The following PHKA1 variants were observed in gnomAD, a reference collection of about 807,000 sequenced individuals.
PHKA1 encodes the protein phosphorylase b kinase regulatory subunit alpha, skeletal muscle isoform.
In PHKA1, 60 loss-of-function variants were observed where a neutral mutation model predicts 110.2. That is an observed-to-expected ratio of 0.54 (90% CI 0.44 to 0.68). PHKA1 has a LOEUF of 0.68. Ranked by LOEUF, PHKA1 falls within the 30% of genes least tolerant of loss-of-function variation. The pLI, the probability that PHKA1 is intolerant of heterozygous loss-of-function variation, is 0.00. For synonymous variants in PHKA1, 316 were observed against 333.6 expected (o/e 0.95, Z 0.58); for missense variants, 801 against 942.5 (o/e 0.85, Z 1.97).
At chrX:72,688,226 ACTC>A (rs1468806248) in intron 4 of PHKA1, among the ~76,000 whole-genome samples, 1 of 111,523 alleles carries the variant, frequency 9.0e-6, no homozygotes, top group African/African-American at 3.3e-5. Flanking sequence ...CAGATTGCAA[ACTC>A]CTCCTGATCC....
At chrX:72,602,670 C>T (rs782782401) in intron 26 of PHKA1, among the ~76,000 whole-genome samples, 15 of 111,793 alleles carry the variant, frequency 1.3e-4, no homozygotes, top group African/African-American at 4.9e-4. Context: ...GTACGCAATG[C>T]CAAATCCAAC....
chrX:72,630,233 C>T (rs782488826), intron 16 of PHKA1, among the ~76,000 whole-genome samples: 64 of 93,086 alleles, frequency 6.9e-4, no homozygotes, highest in South Asian at 4.1e-3. Flanking sequence ...GGCTGGGTGA[C>T]AGAGAGAGAC....
chrX:72,634,039 G>A (rs1180912336), intron 16 of PHKA1, among the ~76,000 whole-genome samples: 1 of 111,571 alleles, frequency 9.0e-6, no homozygotes, highest in Admixed American at 9.5e-5. Context: ...CAAAAAGCCT[G>A]GTTAAGTCCT....
chrX:72,638,043 T>C (rs1556292835), intron 14 of PHKA1, among the ~76,000 whole-genome samples: 2 of 112,028 alleles, frequency 1.8e-5, no homozygotes, highest in African/African-American at 6.5e-5. Context: ...ATTGTTCATT[T>C]TTAGTGTATA....
At chrX:72,667,782 T>A (rs889198754) in intron 6 of PHKA1, among the ~76,000 whole-genome samples, 4 of 111,663 alleles carry the variant, frequency 3.6e-5, no homozygotes, top group African/African-American at 9.8e-5. Flanking sequence ...TTATGTTTTT[T>A]AAAATAGAAT....
At chrX:72,654,066 A>G (rs951292445) in intron 10 of PHKA1, among the ~76,000 whole-genome samples, 1 of 92,163 alleles carries the variant, frequency 1.1e-5, no homozygotes, top group South Asian at 4.7e-4. Flanking sequence ...ATTTATGATG[A>G]AAAAAAAAAA....
At chrX:72,636,625 G>A (rs1159481971) in intron 14 of PHKA1, among the ~76,000 whole-genome samples, 2 of 111,378 alleles carry the variant, frequency 1.8e-5, no homozygotes, top group African/African-American at 3.3e-5. Context: ...ATTTCTTTTC[G>A]TCTTCCAAAA....
chrX:72,687,206 T>C (rs1401908696), intron 4 of PHKA1, among the ~76,000 whole-genome samples: 1 of 111,847 alleles, frequency 8.9e-6, no homozygotes, highest in African/African-American at 3.2e-5. Context: ...AGTCTTTGCA[T>C]ATGTATGGTC....
At chrX:72,661,743 CAA>C (rs782779792) in intron 8 of PHKA1, among the ~76,000 whole-genome samples, 3 of 33,091 alleles carry the variant, frequency 9.1e-5, no homozygotes, top group Non-Finnish European at 6.3e-5. Flanking sequence ...AATGTACTGA[CAA>C]AAAAAAAAAA....
At chrX:72,707,048 T>C (rs1556332788) in intron 2 of PHKA1, among the ~76,000 whole-genome samples, 1 of 111,771 alleles carries the variant, frequency 8.9e-6, no homozygotes, top group Admixed American at 9.5e-5. Flanking sequence ...CATTCATACA[T>C]CAGGGCTTCT....
rs1287518119 is a variant in PHKA1 at position 72,579,387 on chromosome X, C to A, written c.*1615G>T. ...GAATTGTTCAGAGAGTCTCTCATCC[C>A]CACCCTCACCATTCCCAATATTGGG... On this transcript the variant is annotated 3_prime_UTR_variant, in exon 32 of 32. Coordinates refer to ENST00000373542, the MANE Select transcript of PHKA1 (RefSeq NM_002637.4). 9.0e-6 allele frequency: 1 copy of A among 111,553 alleles called. No individual in the cohort carries two copies. The highest frequency in any genetic ancestry group is 9.5e-5 in the Admixed American group (1 of 10,478). 9.2% of individuals were successfully genotyped at this position (111,553 alleles called of 1,213,427 possible). A position where few individuals can be genotyped will look rare whatever the true frequency, so the allele number is the denominator to read the frequency against.
At chrX:72,608,216 A>T (rs2052758629) in intron 23 of PHKA1, among the ~76,000 whole-genome samples, 1 of 111,301 alleles carries the variant, frequency 9.0e-6, no homozygotes, top group African/African-American at 3.3e-5. Context: ...TATGTGTCAA[A>T]ATGTCATCCA....
At chrX:72,691,504 T>C (rs192794383) in intron 4 of PHKA1, among the ~76,000 whole-genome samples, 1 of 112,464 alleles carries the variant, frequency 8.9e-6, no homozygotes, top group African/African-American at 3.2e-5. Context: ...ATAAATCTTC[T>C]GATCCTTGAA....
At chrX:72,675,982 G>T in intron 6 of PHKA1, 88 bp downstream of exon 6, 1 of 649,027 alleles carries the variant, frequency 1.5e-6, no homozygotes, top group Non-Finnish European at 2.6e-6. Flanking sequence ...TTTGATTATG[G>T]TCCACAGTCA....
intron 3 of PHKA1, among the ~76,000 whole-genome samples, chrX:72,699,295 G>C (rs1183710246): frequency 1.8e-5 from 2 of 109,048 alleles, no homozygotes; most frequent in Non-Finnish European, 1.9e-5. Flanking sequence ...AGGGGGTCAA[G>C]AGATTGAGAC....
rs368979387 is a variant in PHKA1 at position 72,605,523 on chromosome X, C to G, written c.2685+18G>C. ...TTAAAATATCAGTCACCAGATTAGCCTTTACAATTCTTCTCACCTGTGTAA... is the reference window on the plus strand; with the variant it reads ...TTAAAATATCAGTCACCAGATTAGCGTTTACAATTCTTCTCACCTGTGTAA... On this transcript the variant is annotated intron_variant, in intron 24 of 31. Transcript: ENST00000373542. 8.4e-7 allele frequency: 1 copy of G among 1,183,571 alleles called. No individual in the cohort carries two copies.
intron 29 of PHKA1, among the ~76,000 whole-genome samples, chrX:72,587,989 C>CTTTA (rs1556217234): frequency 2.7e-5 from 3 of 111,450 alleles, no homozygotes; most frequent in African/African-American, 9.8e-5. Flanking sequence ...TAATGGCAGA[C>CTTTA]TTTAACACCC....
rs2052935704 is a variant in PHKA1 at position 72,618,864 on chromosome X, A to T, written c.2230-15T>A. The stretch of plus-strand genomic sequence containing the variant: ...ACAGAGGGAACCTTTAGTTTGAGAA[A>T]TGATGACAAGAAATTAAGTTCACAA... On this transcript the variant is annotated splice_polypyrimidine_tract_variant and intron_variant, in intron 20 of 31. Coordinates refer to ENST00000373542, the MANE Select transcript of PHKA1 (RefSeq NM_002637.4). The T allele has an allele frequency of 4.2e-6, 5 of 1,195,129 alleles. No homozygotes were observed. In the East Asian group the frequency reaches 1.5e-4, roughly 35 times the overall value.
At position 72,669,640 on chromosome X, in the gene PHKA1, T is replaced by C. The variant is rs781794309; in HGVS notation, c.619-2167A>G. Among the ~76,000 whole-genome samples the C allele has an allele frequency of 6.6e-5, 7 of 105,544 alleles. No homozygotes were observed. In the South Asian group the frequency reaches 1.4e-3, roughly 21 times the overall value. The allele number at this position is 105,544 out of a possible 115,157, so 91.7% of individuals were successfully genotyped here. A position where few individuals can be genotyped will look rare whatever the true frequency, so the allele number is the denominator to read the frequency against. The stretch of plus-strand genomic sequence containing the variant: ...GTGAGAATATGCGGTGTTTGGTTTT[T>C]TGTCTCTGTGATAGTTTGCTGAGAA... On this transcript the variant is annotated intron_variant, in intron 6 of 31. Transcript: ENST00000373542.
Sources: allele counts gnomAD v4.1 joint callset (sites outside exome capture counted in the v4.1 genomes callset), GRCh38; gene constraint gnomAD v4.1.1; transcripts MANE v1.5; gene names NCBI Gene and HGNC (gene_info 2026-07-23, HGNC 2026-07-21).